The following RORC variants were observed in gnomAD, a reference collection of about 807,000 sequenced individuals.
The protein encoded by RORC is nuclear receptor ROR-gamma.
RORC carries 13 observed loss-of-function variants against 64.5 expected under a neutral mutation model. That is an observed-to-expected ratio of 0.20 (90% confidence interval 0.13 to 0.32). The LOEUF (loss-of-function observed/expected upper bound fraction) is 0.32. RORC is among the 10% of genes least tolerant of loss of function. The pLI is 1.00. For missense variants in RORC, 468 were observed against 669.5 expected, an observed-to-expected ratio of 0.70 and a Z score of 3.32; for synonymous variants, 277 against 259.3, an observed-to-expected ratio of 1.07 and a Z score of -0.65.
Position 151,812,990 on chromosome 1 carries a change from C to T in RORC, c.1242G>A (p.Glu414=). The stretch of plus-strand genomic sequence containing the variant: ...GGGCTGTGTAGAGGGCAATCTCATC[C>T]TCGGAAAAGTGCAAGGCACTTAGGG... ...SHSLSALHFS[E]DEIALYTALV... is the part of the protein sequence containing the mutation. The change falls in exon 9 of 11, where the codon GAG becomes GAA. Residue 414 remains glutamate (E), a synonymous_variant. Coordinates refer to ENST00000318247, the MANE Select transcript of RORC (RefSeq NM_005060.4). 6.2e-7 allele frequency: 1 copy of T among 1,614,090 alleles called. No homozygotes were observed. Among genetic ancestry groups the T allele is most frequent in the Non-Finnish European group, 8.5e-7 (1 of 1,179,972 alleles).
chr1:151,825,294 A>ACATG (rs1652148649), intron 2 of RORC, among the ~76,000 whole-genome samples: 1 of 151,984 alleles, frequency 6.6e-6, no homozygotes, highest in Non-Finnish European at 1.5e-5. Flanking sequence ...GCACACACAC[A>ACATG]CATGCACACA....
chr1:151,823,985 AC>A (rs1300491274), intron 2 of RORC, among the ~76,000 whole-genome samples: 1 of 152,028 alleles, frequency 6.6e-6, no homozygotes, highest in East Asian at 1.9e-4. Context: ...CTCCAGCTGG[AC>A]ATTACTCTCT....
At chr1:151,813,377 A>C in intron 7 of RORC, 31 bp from the exon 8 acceptor site, 1 of 1,610,324 alleles carries the variant, frequency 6.2e-7, no homozygotes, top group Non-Finnish European at 8.5e-7. Context: ...ATGCAGGGAC[A>C]GTGTCAAGCA....
intron 2 of RORC, among the ~76,000 whole-genome samples, chr1:151,818,272 T>A (rs1440703775): frequency 6.6e-6 from 1 of 152,198 alleles, no homozygotes; most frequent in African/African-American, 2.4e-5. Context: ...TGGGTGTGCA[T>A]ATGCAAGAAA....
At chr1:151,815,480 C>T in intron 4 of RORC, 55 bp from the exon 5 acceptor site, 1 of 1,505,498 alleles carries the variant, frequency 6.6e-7, no homozygotes, top group Non-Finnish European at 8.9e-7. Context: ...TGGCACAGGG[C>T]AGGGTCAGGA....
In RORC at chr1:151,811,356, C is replaced by T. The variant is rs1344430379; in HGVS notation, c.1364G>A (p.Cys455Tyr). ...NLELAFHHHL[C>Y]KTHRQSILAK... The stretch of plus-strand genomic sequence containing the variant: ...CAGGATGCTTTGGCGATGAGTCTTG[C>T]AGAGATGATGATGAAAGGCCAGCTC... The change falls in exon 10 of 11, where the codon TGC (cysteine) becomes TAC (tyrosine). Residue 455 changes from cysteine to tyrosine, a missense_variant. Cys to Tyr is a radical substitution (Grantham distance 194). Coordinates refer to ENST00000318247, the MANE Select transcript of RORC (RefSeq NM_005060.4). The T allele has an allele frequency of 6.2e-7, 1 of 1,613,928 alleles. No individual in the cohort carries two copies. Among genetic ancestry groups the T allele is most frequent in the East Asian group, 2.2e-5 (1 of 44,886 alleles).
At chr1:151,827,652 G>A (rs750846691) in intron 2 of RORC, among the ~76,000 whole-genome samples, 1 of 152,214 alleles carries the variant, frequency 6.6e-6, no homozygotes, top group Non-Finnish European at 1.5e-5. Context: ...AGAGGTGTCT[G>A]ATCTTGCTGG....
At position 151,825,987 on chromosome 1, in the gene RORC, G is replaced by C. The variant is rs368118046; in HGVS notation, c.70+3442C>G. On this transcript the variant is annotated intron_variant, in intron 2 of 10. Transcript: ENST00000318247. ...TGGCTCCCTGTCCTTCTCAGCAGGG[G>C]GTGGTCCAGGAGTGGGGTGCAGCTG... 40 of 1,610,272 alleles carry C rather than the reference G, an allele frequency of 2.5e-5. No individual in the cohort carries two copies. In the African/African-American group the frequency reaches 5.2e-4, roughly 21 times the overall value.
At position 151,817,068 on chromosome 1, in the gene RORC, C is replaced by T. The variant is rs1651785264; in HGVS notation, c.156+127G>A. On this transcript the variant is annotated intron_variant, in intron 3 of 10. Transcript: ENST00000318247. ...CTGCCCAGGAGATCATCCCTGGAGT[C>T]AGAACAAAGGCCATTAACCCCCTTG... The T allele has an allele frequency of 3.7e-6, 3 of 811,802 alleles. No individual in the cohort carries two copies. In the Admixed American group the frequency reaches 7.1e-5, roughly 19 times the overall value. The allele number at this position is 811,802 out of a possible 1,614,324, so 50.3% of individuals were successfully genotyped here.
intron 8 of RORC, 90 bp from the exon 9 acceptor site, chr1:151,813,147 C>G (rs1375355752): frequency 1.8e-5 from 26 of 1,450,026 alleles, no homozygotes; most frequent in Admixed American, 1.4e-4. Context: ...GCAGAGGGGG[C>G]AATTCGCCCT....
intron 2 of RORC, among the ~76,000 whole-genome samples, chr1:151,822,922 C>A (rs947852946): frequency 1.3e-5 from 2 of 152,200 alleles, no homozygotes; most frequent in African/African-American, 2.4e-5. Flanking sequence ...CTGGGAGAGA[C>A]CTTAGCCCTT....
At chr1:151,814,512 A>G in intron 6 of RORC, 62 bp downstream of exon 6, 2 of 1,548,192 alleles carry the variant, frequency 1.3e-6, no homozygotes, top group South Asian at 2.4e-5. Flanking sequence ...GCAGGTAGCC[A>G]TCTCTGAACT....
At chr1:151,814,513 T>A in intron 6 of RORC, 61 bp downstream of exon 6, 1 of 1,556,052 alleles carries the variant, frequency 6.4e-7, no homozygotes, top group African/African-American at 1.3e-5. Context: ...CAGGTAGCCA[T>A]CTCTGAACTC....
At chr1:151,812,778 GAATCTTTATTTT>G in intron 9 of RORC, 157 bp downstream of exon 9, 1 of 547,568 alleles carries the variant, frequency 1.8e-6, no homozygotes, top group Non-Finnish European at 3.3e-6. Context: ...AGAGTCCTCT[GAATCTTTATTTT>G]AACTCATTTT....
At chr1:151,826,881 C>A (rs560204449) in intron 2 of RORC, among the ~76,000 whole-genome samples, 1 of 152,228 alleles carries the variant, frequency 6.6e-6, no homozygotes, top group Admixed American at 6.5e-5. Flanking sequence ...ACTTTGGGAG[C>A]CCAAGGTGGG....
In RORC at chr1:151,813,224, C is replaced by A. The variant is rs372774021; in HGVS notation, c.1174+15G>T. ...GGCATCAGAATCTTCCCTCTCATTT[C>A]TCCCTGCCCCTCACCCAAGGCTCGG... On this transcript the variant is annotated intron_variant, in intron 8 of 10. Transcript: ENST00000318247. The A allele has an allele frequency of 3.7e-6, 6 of 1,607,416 alleles. No individual in the cohort carries two copies. Among genetic ancestry groups the A allele is most frequent in the Non-Finnish European group, 5.1e-6 (6 of 1,174,146 alleles).
intron 3 of RORC, 93 bp from the exon 4 acceptor site, chr1:151,816,898 C>T (rs113749184): frequency 2.1e-5 from 27 of 1,314,154 alleles, no homozygotes; most frequent in Non-Finnish European, 2.7e-5. Context: ...GGCAGCTTTT[C>T]TACATCCCAC....
chr1:151,812,837 T>C, intron 9 of RORC, 110 bp downstream of exon 9: 3 of 683,706 alleles, frequency 4.4e-6, no homozygotes, highest in Non-Finnish European at 2.6e-6. Context: ...CATTCTGCTA[T>C]TTAAAGCAAT....
At chr1:151,826,283 ACG>A (rs1401251212) in intron 2 of RORC, among the ~76,000 whole-genome samples, 5 of 152,156 alleles carry the variant, frequency 3.3e-5, no homozygotes, top group Admixed American at 2.0e-4. Flanking sequence ...CGACAGCCAC[ACG>A]CGGTAAAAGC....
Sources: gnomAD v4.1 joint callset for allele counts (sites outside exome capture counted in the v4.1 genomes callset) on GRCh38, gnomAD v4.1.1 for gene constraint, MANE v1.5 for transcripts, NCBI Gene and HGNC (gene_info 2026-07-23, HGNC 2026-07-21) for gene names.